Variants in ZC3H18 observed in about 807,000 individuals in gnomAD.
ZC3H18 encodes the protein zinc finger CCCH-type containing 18.
A neutral mutation model predicts 106.1 loss-of-function variants in ZC3H18; 8 were observed. The observed-to-expected ratio is 0.08, with a 90% CI of 0.04 to 0.14. The LOEUF (loss-of-function observed/expected upper bound fraction) is 0.14, where lower values mean the gene tolerates loss of function less well. ZC3H18 is among the 10% of genes least tolerant of loss of function. The pLI, the probability that ZC3H18 is intolerant of heterozygous loss-of-function variation, is 1.00. For missense variants in ZC3H18, 1,318 were observed against 1,278.4 expected (o/e 1.03, Z -0.47); for synonymous variants, 635 against 522.1 (o/e 1.22, Z -2.95).
At chr16:88,626,124 A>C (rs959707026) in intron 13 of ZC3H18, 40 of 152,098 alleles carry the variant, frequency 2.6e-4, no homozygotes, top group Middle Eastern at 3.4e-3. Context: ...CACGCAGCCT[A>C]ATTTTGTATT....
chr16:88,587,968 G>A (rs1915535276), intron 3 of ZC3H18, among the ~76,000 whole-genome samples: 1 of 152,216 alleles, frequency 6.6e-6, no homozygotes, highest in Admixed American at 6.5e-5. Flanking sequence ...GTTTTGCCAA[G>A]CAAAAACAGT....
chr16:88,599,579 G>A (rs775513178), intron 5 of ZC3H18, among the ~76,000 whole-genome samples: 3 of 152,196 alleles, frequency 2.0e-5, no homozygotes, highest in Non-Finnish European at 4.4e-5. Context: ...CACGGAGGCC[G>A]GGGGCAGCTG....
chr16:88,608,803 G>C, intron 6 of ZC3H18, 131 bp from the exon 7 acceptor site: 1 of 665,012 alleles, frequency 1.5e-6, no homozygotes, highest in Non-Finnish European at 2.6e-6. Flanking sequence ...CTAACCTTGA[G>C]CCAACCTTGC....
chr16:88,614,779 A>T (rs928828929), intron 8 of ZC3H18, among the ~76,000 whole-genome samples: 3 of 152,216 alleles, frequency 2.0e-5, no homozygotes, highest in African/African-American at 7.2e-5. Context: ...GCCCTTTTGG[A>T]TAGAAGCCCT....
chr16:88,577,910 C>T (rs1471025149), intron 2 of ZC3H18, among the ~76,000 whole-genome samples, 184 bp downstream of exon 2: 2 of 152,126 alleles, frequency 1.3e-5, no homozygotes, highest in African/African-American at 4.8e-5. Context: ...AGCCAGAAAT[C>T]GAGAATGAGC....
intron 1 of ZC3H18, among the ~76,000 whole-genome samples, chr16:88,575,987 A>G (rs753838679): frequency 2.6e-5 from 4 of 152,004 alleles, no homozygotes; most frequent in Admixed American, 6.6e-5. Flanking sequence ...TGCAAGCTCT[A>G]CCTCCTGGGT....
intron 3 of ZC3H18, among the ~76,000 whole-genome samples, chr16:88,590,188 G>A (rs777988993): frequency 6.6e-6 from 1 of 152,180 alleles, no homozygotes; most frequent in Non-Finnish European, 1.5e-5. Context: ...CTAGGCTCAA[G>A]CAATCCTTCC....
At chr16:88,628,236 A>G in intron 15 of ZC3H18, 117 bp downstream of exon 15, 2 of 1,167,596 alleles carry the variant, frequency 1.7e-6, no homozygotes, top group African/African-American at 1.5e-5. Context: ...GGGGCCTTGC[A>G]GGTGTCAGCA....
intron 16 of ZC3H18, among the ~76,000 whole-genome samples, chr16:88,629,699 G>A (rs142894755): frequency 2.5e-4 from 38 of 152,226 alleles, no homozygotes; most frequent in African/African-American, 7.0e-4. Flanking sequence ...AAAGGGCCTC[G>A]GGGACCCCCA....
chr16:88,580,842 T>C (rs1246751756), intron 2 of ZC3H18, among the ~76,000 whole-genome samples: 1 of 152,192 alleles, frequency 6.6e-6, no homozygotes, highest in Non-Finnish European at 1.5e-5. Context: ...GAAGACATTT[T>C]TCTCGTTGCT....
At chr16:88,595,525 G>A (rs1904388252) in intron 3 of ZC3H18, among the ~76,000 whole-genome samples, 1 of 144,918 alleles carries the variant, frequency 6.9e-6, no homozygotes, top group Non-Finnish European at 1.5e-5. Context: ...ATGAAAGTAA[G>A]GCTGGGGACG....
At chr16:88,606,464 C>T (rs1279301666) in intron 6 of ZC3H18, among the ~76,000 whole-genome samples, 1 of 152,252 alleles carries the variant, frequency 6.6e-6, no homozygotes, top group African/African-American at 2.4e-5. Context: ...TGCTTAAGTA[C>T]AGTTTCCCAA....
rs749877069 is a variant in ZC3H18 at position 88,577,105 on chromosome 16, T to G, written c.-14-5T>G. ...GGCTGTCAATCTGTATTCTCTCTTT[T>G]GCAGAACCGTGGGTACCGATGGATG... On this transcript the variant is annotated splice_polypyrimidine_tract_variant and splice_region_variant and intron_variant, in intron 1 of 17. Transcript: ENST00000301011. 1.3e-6 allele frequency: 2 copies of G among 1,515,184 alleles called. No individual in the cohort carries two copies. Among genetic ancestry groups the G allele is most frequent in the Admixed American group, 2.3e-5 (1 of 44,394 alleles). The allele number at this position is 1,515,184 out of a possible 1,614,324, so 93.9% of individuals were successfully genotyped here. A position where few individuals can be genotyped will look rare whatever the true frequency, so the allele number is the denominator to read the frequency against.
intron 3 of ZC3H18, among the ~76,000 whole-genome samples, chr16:88,594,841 G>A (rs1349641688): frequency 3.3e-5 from 5 of 152,166 alleles, no homozygotes; most frequent in South Asian, 4.1e-4. Context: ...TTACACAAGC[G>A]TAAAGATTAA....
chr16:88,611,166 C>T, intron 7 of ZC3H18, 102 bp from the exon 8 acceptor site: 2 of 688,982 alleles, frequency 2.9e-6, no homozygotes, highest in South Asian at 1.7e-5. Flanking sequence ...AGGTGTGATT[C>T]TGTGACACAG....
intron 1 of ZC3H18, 32 bp downstream of exon 1, chr16:88,570,598 C>T (rs1158989194): frequency 6.6e-6 from 1 of 150,854 alleles, no homozygotes; most frequent in African/African-American, 2.4e-5. Context: ...GGCGGGAGGC[C>T]GGGCCGGCGG....
chr16:88,571,962 T>C (rs1914434386), intron 1 of ZC3H18, among the ~76,000 whole-genome samples: 1 of 152,262 alleles, frequency 6.6e-6, no homozygotes, highest in African/African-American at 2.4e-5. Flanking sequence ...GGTGCTTCTT[T>C]GCCAGAATCT....
chr16:88,608,145 T>C (rs1465001870), intron 6 of ZC3H18, among the ~76,000 whole-genome samples: 2 of 152,202 alleles, frequency 1.3e-5, no homozygotes. Flanking sequence ...TTTGCAAATC[T>C]GAGCTCGTTT....
At chr16:88,577,748 G>A (rs1470907017) in intron 2 of ZC3H18, 22 bp downstream of exon 2, 12 of 1,612,420 alleles carry the variant, frequency 7.4e-6, no homozygotes, top group East Asian at 2.2e-5. Context: ...GGAGCAGAGC[G>A]TCGCGGGGCA....
Sources: allele counts gnomAD v4.1 joint callset (sites outside exome capture counted in the v4.1 genomes callset), GRCh38; gene constraint gnomAD v4.1.1; transcripts MANE v1.5; gene names NCBI Gene and HGNC (gene_info 2026-07-23, HGNC 2026-07-21).